The following TTF2 variants were observed in gnomAD, a reference collection of about 807,000 sequenced individuals.
TTF2 encodes the protein RNA polymerase II termination factor.
A neutral mutation model predicts 142.4 loss-of-function variants in TTF2; 108 were observed. The ratio of observed to expected loss-of-function variants is 0.76; its 90% CI spans 0.65 to 0.89. TTF2 has a LOEUF of 0.89. Among genes scored for constraint, TTF2 ranks in the 40% least tolerant of loss-of-function variants. The probability of loss-of-function intolerance (pLI) is 0.00; values close to 1 mark genes in which losing one functional copy is unlikely to be tolerated. For missense variants in TTF2, 1,327 were observed against 1,379.8 expected (o/e 0.96, Z 0.61); for synonymous variants, 483 against 506.2 (o/e 0.95, Z 0.61).
At chr1:117,078,064 G>A (rs1657163144) in intron 8 of TTF2, 21 bp downstream of exon 8, 2 of 1,612,692 alleles carry the variant, frequency 1.2e-6, no homozygotes, top group East Asian at 4.5e-5. Flanking sequence ...GAAGACTCCT[G>A]GTGTAGTCCT....
At position 117,105,504 on chromosome 1, in the gene TTF2, G is replaced by C. The variant is rs1649872964; in HGVS notation, c.*3980G>C. 1 of 152,162 alleles carries C rather than the reference G, an allele frequency of 6.6e-6. No individual in the cohort carries two copies. The highest frequency in any genetic ancestry group is 1.5e-5 in the Non-Finnish European group (1 of 68,088). 9.4% of individuals were successfully genotyped at this position (152,162 alleles called of 1,614,324 possible). A position where few individuals can be genotyped will look rare whatever the true frequency, so the allele number is the denominator to read the frequency against. On this transcript the variant is annotated 3_prime_UTR_variant, in exon 23 of 23. Transcript: ENST00000369466. The surrounding 1 kb of genome is among the most constrained non-coding windows in gnomAD (Gnocchi z 4.7). Reference sequence around the variant, plus strand: ...GGCTGAGGCAGGCAGATCACTTGAGGCCAAGAGTTCGAGACCAGACTGGCC... The same window carrying C: ...GGCTGAGGCAGGCAGATCACTTGAGCCCAAGAGTTCGAGACCAGACTGGCC...
chr1:117,084,236 T>C (rs953467089), intron 11 of TTF2, 68 bp downstream of exon 11: 1 of 1,581,608 alleles, frequency 6.3e-7, no homozygotes, highest in Non-Finnish European at 8.6e-7. Flanking sequence ...GGGCCTTTGC[T>C]CCCATCCCTG....
At position 117,076,026 on chromosome 1, in the gene TTF2, C is replaced by G. The variant is rs1656981636; in HGVS notation, c.1276-154C>G. On this transcript the variant is annotated intron_variant, in intron 5 of 22. Transcript: ENST00000369466. This position sits in a 1 kb window ranked among gnomAD's most constrained non-coding sequence, Gnocchi z 4.6. Reference sequence around the variant, plus strand: ...ATTTATATTTTCAAGATTGGTAAGCCAGCTGGGTTAAAATTTAAAAAAGGT... The same window carrying G: ...ATTTATATTTTCAAGATTGGTAAGCGAGCTGGGTTAAAATTTAAAAAAGGT... 6.6e-6 allele frequency among the ~76,000 whole-genome samples: 1 copy of G among 152,150 alleles called. No individual in the cohort carries two copies.
rs1448783236 is a variant in TTF2, at chr1:117,079,525, C to T, written c.1702-43C>T. The stretch of plus-strand genomic sequence containing the variant: ...TGTAGCCAGGCTCGGCATAGCCTCT[C>T]ATTAGGAATTTATGCTTAGCATTTG... On this transcript the variant is annotated intron_variant, in intron 8 of 22. Transcript: ENST00000369466. This position sits in a 1 kb window ranked among gnomAD's most constrained non-coding sequence, Gnocchi z 4.2. 7.5e-6 allele frequency: 12 copies of T among 1,592,572 alleles called. No individual in the cohort carries two copies. The highest frequency in any genetic ancestry group is 5.0e-5 in the Admixed American group (3 of 59,940).
Position 117,079,469 on chromosome 1 carries a change from A to C in TTF2, c.1702-99A>C. 3 of 1,108,598 alleles carry C rather than the reference A, an allele frequency of 2.7e-6. No individual in the cohort carries two copies. The highest frequency in any genetic ancestry group is 4.1e-6 in the Non-Finnish European group (3 of 733,546). 68.7% of individuals were successfully genotyped at this position (1,108,598 alleles called of 1,614,324 possible). ...CTGTCTACAGAATACTGAGGGAATC[A>C]TTTGTAGAAAATAGGAGAGTGTAGA... On this transcript the variant is annotated intron_variant, in intron 8 of 22. Transcript: ENST00000369466. The surrounding 1 kb of genome is among the most constrained non-coding windows in gnomAD (Gnocchi z 4.2).
chr1:117,097,295 G>A lies in TTF2; in HGVS notation c.3187-56G>A, dbSNP rs1649233261. The A allele has an allele frequency of 1.5e-5, 23 of 1,494,004 alleles. No individual in the cohort carries two copies. The highest frequency in any genetic ancestry group is 2.3e-5 in the East Asian group (1 of 44,318). 92.5% of individuals were successfully genotyped at this position (1,494,004 alleles called of 1,614,324 possible). A position where few individuals can be genotyped will look rare whatever the true frequency, so the allele number is the denominator to read the frequency against. ...TGATTGTGGACTTAAACCTGAGACC[G>A]AGATGTGTTACGAGACCAAGTCTGT... On this transcript the variant is annotated intron_variant, in intron 20 of 22. Coordinates refer to ENST00000369466, the MANE Select transcript of TTF2 (RefSeq NM_003594.4). The surrounding 1 kb of genome is among the most constrained non-coding windows in gnomAD (Gnocchi z 4.1).
intron 3 of TTF2, among the ~76,000 whole-genome samples, chr1:117,064,199 C>T (rs36044075): frequency 0.06 from 9,147 of 151,982 alleles, 421 homozygotes; most frequent in African/African-American, 0.12. Flanking sequence ...CAAGTTAGGC[C>T]AGGCATGGTG....
intron 9 of TTF2, among the ~76,000 whole-genome samples, chr1:117,081,317 A>G (rs1361580378): frequency 6.6e-6 from 1 of 152,230 alleles, no homozygotes; most frequent in Non-Finnish European, 1.5e-5. Context: ...TAGAGTATAA[A>G]TAATAAATTA....
At position 117,107,440 on chromosome 1, in the gene TTF2, C is replaced by T. The variant is rs1446792776; in HGVS notation, c.*5916C>T. The T allele has an allele frequency of 2.0e-5, 3 of 152,126 alleles. No individual in the cohort carries two copies. Among genetic ancestry groups the T allele is most frequent in the Non-Finnish European group, 1.5e-5 (1 of 68,018 alleles). The allele number at this position is 152,126 out of a possible 1,614,324, so 9.4% of individuals were successfully genotyped here. On this transcript the variant is annotated 3_prime_UTR_variant, in exon 23 of 23. Coordinates refer to ENST00000369466, the MANE Select transcript of TTF2 (RefSeq NM_003594.4). The stretch of plus-strand genomic sequence containing the variant: ...ACCTCCAACTGAAATAAATGGTAAG[C>T]TTTTTGTTCTCAATTCTGAAATCAG...
intron 2 of TTF2, 37 bp from the exon 3 acceptor site, chr1:117,062,350 G>T: frequency 1.3e-6 from 2 of 1,590,850 alleles, no homozygotes; most frequent in South Asian, 2.2e-5. Flanking sequence ...CTCTGTTCCT[G>T]ACCTAAAAAT....
chr1:117,084,932 G>A (rs1176368494), intron 11 of TTF2, among the ~76,000 whole-genome samples: 2 of 152,132 alleles, frequency 1.3e-5, no homozygotes, highest in African/African-American at 4.8e-5. Context: ...TGTTAGATTG[G>A]TGCCCCTCTG....
rs765980791 is a variant in TTF2 at position 117,073,638 on chromosome 1, A to T, written c.219-23A>T. On this transcript the variant is annotated intron_variant, in intron 3 of 22. Coordinates refer to ENST00000369466, the MANE Select transcript of TTF2 (RefSeq NM_003594.4). This position sits in a 1 kb window ranked among gnomAD's most constrained non-coding sequence, Gnocchi z 4.4. ...CTAATGGATTTTCATAGCCTTGATT[A>T]TTTGTGTTTTATACTTCATTAGATT... 1 of 1,587,148 alleles carries T rather than the reference A, an allele frequency of 6.3e-7. No individual in the cohort carries two copies. Among genetic ancestry groups the T allele is most frequent in the Admixed American group, 1.7e-5 (1 of 59,278 alleles).
intron 3 of TTF2, among the ~76,000 whole-genome samples, chr1:117,068,614 T>C (rs1480073480): frequency 6.6e-6 from 1 of 152,154 alleles, no homozygotes; most frequent in African/African-American, 2.4e-5. Flanking sequence ...TTCAAAATAT[T>C]TTACTTTTAA....
At chr1:117,066,271 G>C (rs1656122018) in intron 3 of TTF2, among the ~76,000 whole-genome samples, 3 of 152,156 alleles carry the variant, frequency 2.0e-5, no homozygotes, top group Non-Finnish European at 4.4e-5. Flanking sequence ...AAGTGGCATT[G>C]CTGGGATTTA....
chr1:117,094,384 C>T (rs907542422), intron 18 of TTF2, among the ~76,000 whole-genome samples: 2 of 152,066 alleles, frequency 1.3e-5, no homozygotes, highest in Non-Finnish European at 1.5e-5. Flanking sequence ...ACTCTGGGGC[C>T]CTTAGAGGCT....
intron 3 of TTF2, among the ~76,000 whole-genome samples, chr1:117,072,327 C>T (rs1182056654): frequency 6.6e-6 from 1 of 151,748 alleles, no homozygotes; most frequent in Non-Finnish European, 1.5e-5. Flanking sequence ...ATCCTATCCA[C>T]TTCACCCCGT....
At chr1:117,078,191 T>A in intron 8 of TTF2, 148 bp downstream of exon 8, 1 of 1,029,240 alleles carries the variant, frequency 9.7e-7, no homozygotes, top group Non-Finnish European at 1.4e-6. Context: ...CTTTTATGCT[T>A]AACAGTGCAA....
chr1:117,088,687 C>A, intron 12 of TTF2, 114 bp from the exon 13 acceptor site: 1 of 1,200,300 alleles, frequency 8.3e-7, no homozygotes, highest in Non-Finnish European at 1.2e-6. Context: ...CTGAGCTAAG[C>A]AAATTTAAAG....
At chr1:117,061,917 T>G (rs1215524121) in intron 2 of TTF2, among the ~76,000 whole-genome samples, 1 of 152,216 alleles carries the variant, frequency 6.6e-6, no homozygotes, top group Non-Finnish European at 1.5e-5. Context: ...TTAAATTTTT[T>G]CATAATAAGT....
Sources: gnomAD v4.1 joint callset for allele counts (sites outside exome capture counted in the v4.1 genomes callset) on GRCh38, gnomAD v4.1.1 for gene constraint, Gnocchi (gnomAD v3.1) non-coding constraint, MANE v1.5 for transcripts, NCBI Gene and HGNC (gene_info 2026-07-23, HGNC 2026-07-21) for gene names.